The following TOP1MT variants were observed in gnomAD, a reference collection of about 807,000 sequenced individuals.
TOP1MT encodes the protein DNA topoisomerase I mitochondrial.
A neutral mutation model predicts 73.9 loss-of-function variants in TOP1MT; 80 were observed. The ratio of observed to expected loss-of-function variants is 1.08; its 90% CI spans 0.90 to 1.30. The LOEUF is 1.30. Ranked by LOEUF, TOP1MT falls within the 50% of genes most tolerant of loss-of-function variation. The probability of loss-of-function intolerance (pLI) is 0.00; values close to 1 mark genes in which losing one functional copy is unlikely to be tolerated. For missense variants in TOP1MT, 815 were observed against 808.0 expected, an observed-to-expected ratio of 1.01 and a Z score of -0.10; for synonymous variants, 338 against 326.4, an observed-to-expected ratio of 1.04 and a Z score of -0.38.
upstream of TOP1MT, among the ~76,000 whole-genome samples, chr8:143,339,326 C>A (rs1189984160): frequency 6.6e-6 from 1 of 152,232 alleles, no homozygotes; most frequent in Non-Finnish European, 1.5e-5. Flanking sequence ...GTATCACACC[C>A]CCAGCACGTC....
At chr8:143,320,410 G>A (rs560432820) in intron 8 of TOP1MT, among the ~76,000 whole-genome samples, 4 of 152,182 alleles carry the variant, frequency 2.6e-5, no homozygotes, top group South Asian at 2.1e-4. Context: ...GATTACAGGC[G>A]TGAGCCACCT....
upstream of TOP1MT, among the ~76,000 whole-genome samples, chr8:143,339,061 T>C (rs1267890593): frequency 6.6e-6 from 1 of 152,136 alleles, no homozygotes; most frequent in Non-Finnish European, 1.5e-5. Context: ...AGCTGATACC[T>C]ATAAAGACGT....
Position 143,342,642 on chromosome 8 carries a change from TATTATTATTATTATTATTA to T in TOP1MT, c.29+559_29+577del, listed in dbSNP as rs1328956762. Among the ~76,000 whole-genome samples the T allele has an allele frequency of 2.0e-3, 49 of 24,006 alleles. 4 individuals carry two copies. The highest frequency in any genetic ancestry group is 4.0e-3 in the African/African-American group (14 of 3,472). The allele number at this position is 24,006 out of a possible 152,430, so 15.7% of individuals were successfully genotyped here. Reference sequence around the variant, plus strand: ...ATTATTATTAGAGACAGTCTCGCTCTATTATTATTATTATTATTAGAGACAGTCTCGCTCTATTATTATT... The same window carrying T: ...ATTATTATTAGAGACAGTCTCGCTCTGAGACAGTCTCGCTCTATTATTATT... On this transcript the variant is annotated intron_variant, in intron 2 of 5. Coordinates refer to the TOP1MT transcript ENST00000518007.
intron 3 of TOP1MT, chr8:143,328,214 C>T (rs1386322522): frequency 4.4e-6 from 2 of 455,640 alleles, no homozygotes; most frequent in African/African-American, 2.0e-5. Context: ...GATTGATAAA[C>T]GGCATAACTA....
chr8:143,318,071 G>GT lies in TOP1MT; in HGVS notation c.1161dup (p.Gln388ThrfsTer64). On this transcript the variant is annotated frameshift_variant, in exon 9 of 14. Coordinates refer to ENST00000329245, the MANE Select transcript of TOP1MT (RefSeq NM_052963.3). LOFTEE classifies it high-confidence loss of function. ...GGGTCCTTGTTCTCCATAAAGAGCT[G>GT]TAAGTTCTTGTACACCTGAAGGAGA... The GT allele has an allele frequency of 1.9e-6, 3 of 1,614,028 alleles. No homozygotes were observed. The highest frequency in any genetic ancestry group is 2.5e-6 in the Non-Finnish European group (3 of 1,179,906).
chr8:143,335,710 C>G (rs542552318), upstream of TOP1MT, among the ~76,000 whole-genome samples: 1 of 152,384 alleles, frequency 6.6e-6, no homozygotes, highest in African/African-American at 2.4e-5. Context: ...CCGTGGGAAG[C>G]AGATGAATTC....
At chr8:143,317,931 G>A (rs1389987819) in intron 9 of TOP1MT, 87 bp downstream of exon 9, 10 of 1,594,204 alleles carry the variant, frequency 6.3e-6, no homozygotes, top group Non-Finnish European at 8.6e-6. Context: ...GTTGGGTCAG[G>A]ACAAAACCCT....
chr8:143,325,092 A>T (rs936376816), intron 5 of TOP1MT, among the ~76,000 whole-genome samples: 4 of 152,210 alleles, frequency 2.6e-5, no homozygotes, highest in Non-Finnish European at 5.9e-5. Context: ...GGGATATGAA[A>T]ACCACATGGA....
intron 1 of TOP1MT, among the ~76,000 whole-genome samples, chr8:143,332,927 G>A (rs1463066732): frequency 6.6e-6 from 1 of 152,168 alleles, no homozygotes; most frequent in Non-Finnish European, 1.5e-5. Flanking sequence ...TGCTGACTCT[G>A]CAGAGCTTTT....
chr8:143,309,650 G>C, intron 13 of TOP1MT, 107 bp from the exon 14 acceptor site: 1 of 1,552,632 alleles, frequency 6.4e-7, no homozygotes, highest in East Asian at 2.3e-5. Flanking sequence ...AGAGACACCA[G>C]AGCCGCCTGG....
intron 12 of TOP1MT, among the ~76,000 whole-genome samples, chr8:143,311,747 CA>C (rs34398519): frequency 0.32 from 43,204 of 134,266 alleles, 7,163 homozygotes; most frequent in African/African-American, 0.5. Flanking sequence ...GACTCTGTGT[CA>C]AAAAAAAAAA....
chr8:143,324,078 C>A lies in TOP1MT; in HGVS notation c.881G>T (p.Arg294Leu), dbSNP rs771755999. Reference protein sequence around the residue: ...RRLRGFVDEIRSQYRADWKSR... With the variant: ...RRLRGFVDEILSQYRADWKSR... ...CTTCCAGTCAGCCCGGTACTGGGAGCGGATCTCGTCCACAAATCCCCGCAG... is the reference window on the plus strand; with the variant it reads ...CTTCCAGTCAGCCCGGTACTGGGAGAGGATCTCGTCCACAAATCCCCGCAG... The change falls in exon 7 of 14, where the codon CGC (arginine) becomes CTC (leucine). Residue 294 changes from arginine to leucine, a missense_variant. Physicochemically the swap from Arg to Leu is moderately radical, Grantham distance 102 (BLOSUM62 -2). Around this residue, in one of 3 missense-constraint regions of TOP1MT, gnomAD observed 751 missense variants for 725.4 expected, o/e 1.04. Transcript: ENST00000329245. 6.2e-7 allele frequency: 1 copy of A among 1,613,896 alleles called. No individual in the cohort carries two copies. The highest frequency in any genetic ancestry group is 8.5e-7 in the Non-Finnish European group (1 of 1,180,018).
chr8:143,351,497 T>C (rs1430631297), intron 1 of TOP1MT, among the ~76,000 whole-genome samples: 2 of 151,738 alleles, frequency 1.3e-5, no homozygotes, highest in Non-Finnish European at 2.9e-5. Context: ...GGAGAATCAC[T>C]TGAGCCTGGA....
In TOP1MT at chr8:143,341,454, G is replaced by C. The variant is rs1003002370; in HGVS notation, c.29+1766C>G. Among the ~76,000 whole-genome samples the C allele has an allele frequency of 2.6e-5, 4 of 152,194 alleles. No individual in the cohort carries two copies. The highest frequency in any genetic ancestry group is 9.7e-5 in the African/African-American group (4 of 41,444). ...GCCTTGGGACCTTGCCCAGAACAGA[G>C]AGCACACACCATGAGAGGGGCCACA... On this transcript the variant is annotated intron_variant, in intron 2 of 5. Transcript: ENST00000518007. This position sits in a 1 kb window ranked among gnomAD's most constrained non-coding sequence, Gnocchi z 4.1.
chr8:143,324,573 T>A lies in TOP1MT; in HGVS notation c.728A>T (p.Asp243Val). 1 of 1,613,782 alleles carries A rather than the reference T, an allele frequency of 6.2e-7. No individual in the cohort carries two copies. Among genetic ancestry groups the A allele is most frequent in the Non-Finnish European group, 8.5e-7 (1 of 1,180,020 alleles). ...AGHQWKEVRS[D>V]NTVTWLAAWT... ...AGCTGCCAGCCACGTGACGGTGTTA[T>A]CGGAGCGCACCTCCTTCCACTGGTG... Residue 243 changes from aspartate to valine, a missense_variant, in exon 6 of 14, where the codon GAT becomes GTT. By Grantham distance (152) the Asp-to-Val change is radical. Coordinates refer to ENST00000329245, the MANE Select transcript of TOP1MT (RefSeq NM_052963.3).
chr8:143,358,887 C>T (rs970140148), upstream of TOP1MT, among the ~76,000 whole-genome samples: 14 of 152,248 alleles, frequency 9.2e-5, no homozygotes, highest in Non-Finnish European at 1.5e-4. Context: ...CCCATTACTA[C>T]GCAACCAGGC....
intron 1 of TOP1MT, among the ~76,000 whole-genome samples, chr8:143,334,481 GA>G (rs139276113): frequency 0.034 from 5,117 of 152,216 alleles, 279 homozygotes; most frequent in African/African-American, 0.12. Flanking sequence ...ACCACAAGCG[GA>G]AAAAAAGAGG....
rs554361505 is a variant in TOP1MT at position 143,332,840 on chromosome 8, C to T, written c.123-1501G>A. Among the ~76,000 whole-genome samples the T allele has an allele frequency of 1.3e-4, 20 of 152,022 alleles. No individual in the cohort carries two copies. In the South Asian group the frequency reaches 3.7e-3, roughly 28 times the overall value. Reference sequence around the variant, plus strand: ...CTCAAGGCCAGCCTGGCCAACATGGCGAAAGTACAAAAAAACTAGCTGGCA... The same window carrying T: ...CTCAAGGCCAGCCTGGCCAACATGGTGAAAGTACAAAAAAACTAGCTGGCA... On this transcript the variant is annotated intron_variant, in intron 1 of 13. Coordinates refer to ENST00000329245, the MANE Select transcript of TOP1MT (RefSeq NM_052963.3).
chr8:143,309,726 C>T (rs1310627707), intron 13 of TOP1MT, 183 bp from the exon 14 acceptor site: 29 of 1,527,528 alleles, frequency 1.9e-5, no homozygotes, highest in East Asian at 2.5e-5. Context: ...GGAGCATCAG[C>T]GAGGTGTCAA....
Sources: allele counts gnomAD v4.1 joint callset (sites outside exome capture counted in the v4.1 genomes callset), GRCh38; gene constraint gnomAD v4.1.1; regional missense constraint gnomAD v4.1.1; non-coding constraint Gnocchi (gnomAD v3.1); transcripts MANE v1.5; gene names NCBI Gene and HGNC (gene_info 2026-07-23, HGNC 2026-07-21).